Variants in PDE6A observed in about 807,000 individuals in gnomAD.
PDE6A encodes phosphodiesterase 6A.
In PDE6A, 84 loss-of-function variants were observed where a neutral mutation model predicts 106.3. That is an observed-to-expected ratio of 0.79 (90% CI 0.66 to 0.95). PDE6A has a LOEUF of 0.95. PDE6A is among the 40% of genes least tolerant of loss of function. The pLI, the probability that PDE6A is intolerant of heterozygous loss-of-function variation, is 0.00. For missense variants in PDE6A, 1,052 were observed against 1,084.9 expected (o/e 0.97, Z 0.43); for synonymous variants, 394 against 386.6 (o/e 1.02, Z -0.23).
chr5:149,937,921 T>A (rs1157481720), intron 1 of PDE6A, among the ~76,000 whole-genome samples: 2 of 152,224 alleles, frequency 1.3e-5, no homozygotes, highest in East Asian at 3.9e-4. Context: ...TGCTGGTAAG[T>A]GGCACAGTTG....
chr5:149,917,464 C>T (rs1194565272), intron 5 of PDE6A, among the ~76,000 whole-genome samples: 6 of 152,110 alleles, frequency 3.9e-5, no homozygotes, highest in African/African-American at 7.2e-5. Context: ...GTTTGGTTGA[C>T]GGGCAATCAG....
chr5:149,917,214 C>T (rs888121997), intron 5 of PDE6A, among the ~76,000 whole-genome samples: 2 of 151,612 alleles, frequency 1.3e-5, no homozygotes, highest in Non-Finnish European at 2.9e-5. Context: ...ATACTGGAGG[C>T]GTGACTCACT....
intron 3 of PDE6A, among the ~76,000 whole-genome samples, chr5:149,931,772 G>T (rs1183738800): frequency 6.6e-6 from 1 of 152,192 alleles, no homozygotes; most frequent in African/African-American, 2.4e-5. Flanking sequence ...AGAATCAGTT[G>T]TGTGGACCGA....
At chr5:149,893,036 A>G (rs529850160) in intron 13 of PDE6A, among the ~76,000 whole-genome samples, 5 of 152,330 alleles carry the variant, frequency 3.3e-5, no homozygotes, top group African/African-American at 9.6e-5. Context: ...CCACTTTTAT[A>G]AACTCTGACG....
At chr5:149,886,814 G>T (rs187025401) in intron 13 of PDE6A, among the ~76,000 whole-genome samples, 82 of 152,312 alleles carry the variant, frequency 5.4e-4, no homozygotes, top group African/African-American at 1.8e-3. Context: ...AGCACAGCCT[G>T]GAGGAATCCT....
intron 3 of PDE6A, chr5:149,932,099 C>A (rs745462313): frequency 2.2e-4 from 295 of 1,331,008 alleles, no homozygotes; most frequent in Non-Finnish European, 2.9e-4. Flanking sequence ...GTTCTTTGTT[C>A]TCCTCGTCCG....
chr5:149,940,898 G>T (rs1754310187), intron 1 of PDE6A, among the ~76,000 whole-genome samples: 1 of 152,132 alleles, frequency 6.6e-6, no homozygotes, highest in South Asian at 2.1e-4. Flanking sequence ...AAGGCAGTTG[G>T]ATAAGACAGT....
intron 17 of PDE6A, among the ~76,000 whole-genome samples, chr5:149,877,534 C>T (rs889533896): frequency 9.9e-5 from 15 of 152,082 alleles, no homozygotes; most frequent in Non-Finnish European, 1.5e-4. Context: ...CTCAGCCTCC[C>T]GAGTAGCTGG....
chr5:149,870,876 A>G (rs187226884), intron 17 of PDE6A, among the ~76,000 whole-genome samples: 2 of 145,906 alleles, frequency 1.4e-5, no homozygotes, highest in East Asian at 3.9e-4. Flanking sequence ...AGAGAAAGAA[A>G]GAGAAAGAAA....
chr5:149,862,473 C>T (rs1318019619), intron 21 of PDE6A, among the ~76,000 whole-genome samples: 2 of 152,196 alleles, frequency 1.3e-5, no homozygotes, highest in East Asian at 3.9e-4. Context: ...CAAATTCCTT[C>T]CAAGTCCGGA....
At chr5:149,895,461 T>C (rs73269716) in intron 12 of PDE6A, among the ~76,000 whole-genome samples, 171 bp from the exon 13 acceptor site, 5,985 of 152,294 alleles carry the variant, frequency 0.039, 382 homozygotes, top group African/African-American at 0.13. Flanking sequence ...GATGCAATCA[T>C]GCTGCGAAAG....
chr5:149,938,266 T>A (rs1754237078), intron 1 of PDE6A, among the ~76,000 whole-genome samples: 1 of 152,152 alleles, frequency 6.6e-6, no homozygotes, highest in Non-Finnish European at 1.5e-5. Flanking sequence ...TAAGGTCCTC[T>A]GTGAAGGTTT....
At chr5:149,912,298 A>T (rs1753413358) in intron 6 of PDE6A, among the ~76,000 whole-genome samples, 1 of 152,046 alleles carries the variant, frequency 6.6e-6, no homozygotes, top group Non-Finnish European at 1.5e-5. Flanking sequence ...TTCTTCCTGA[A>T]CTTTTATTTT....
chr5:149,893,736 A>G (rs1010622395), intron 13 of PDE6A, among the ~76,000 whole-genome samples: 2 of 152,296 alleles, frequency 1.3e-5, no homozygotes, highest in Middle Eastern at 3.4e-3. Context: ...GACTTAACTG[A>G]ACTCTGTTCA....
At chr5:149,879,921 A>G (rs1047473813) in intron 17 of PDE6A, among the ~76,000 whole-genome samples, 1 of 152,128 alleles carries the variant, frequency 6.6e-6, no homozygotes, top group Admixed American at 6.5e-5. Flanking sequence ...ATCTAACTTC[A>G]TGGCCATCCC....
chr5:149,929,819 T>A (rs1753978133), intron 4 of PDE6A, among the ~76,000 whole-genome samples: 1 of 152,194 alleles, frequency 6.6e-6, no homozygotes, highest in South Asian at 2.1e-4. Flanking sequence ...CATGTTCTGT[T>A]CCTTAATTTT....
chr5:149,930,889 C>G, intron 4 of PDE6A, 139 bp downstream of exon 4: 1 of 828,282 alleles, frequency 1.2e-6, no homozygotes, highest in South Asian at 1.4e-5. Flanking sequence ...TCAGTAGAGA[C>G]CTATGTAAGA....
At chr5:149,874,742 T>C (rs1371199983) in intron 17 of PDE6A, among the ~76,000 whole-genome samples, 4 of 151,840 alleles carry the variant, frequency 2.6e-5, no homozygotes, top group Non-Finnish European at 4.4e-5. Flanking sequence ...CTGCCAAGAG[T>C]CATCCCATCA....
At chr5:149,942,011 G>C (rs1217502335) in intron 1 of PDE6A, among the ~76,000 whole-genome samples, 3 of 151,974 alleles carry the variant, frequency 2.0e-5, no homozygotes, top group Non-Finnish European at 4.4e-5. Context: ...ACTCAAGCTG[G>C]AGTGCAATGG....
Sources: gnomAD v4.1 joint callset for allele counts (sites outside exome capture counted in the v4.1 genomes callset) on GRCh38, gnomAD v4.1.1 for gene constraint, MANE v1.5 for transcripts, NCBI Gene and HGNC (gene_info 2026-07-23, HGNC 2026-07-21) for gene names.